The following PWWP3A variants were observed in gnomAD, a reference collection of about 807,000 sequenced individuals.
PWWP3A encodes PWWP domain-containing DNA repair factor 3A.
In PWWP3A, 53 loss-of-function variants were observed where a neutral mutation model predicts 79.0. The ratio of observed to expected loss-of-function variants is 0.67; its 90% CI spans 0.54 to 0.84. PWWP3A has a LOEUF of 0.84. PWWP3A is among the 40% of genes least tolerant of loss of function. The pLI, the probability that PWWP3A is intolerant of heterozygous loss-of-function variation, is 0.00. For missense variants in PWWP3A, 973 were observed against 948.0 expected (o/e 1.03, Z -0.35); for synonymous variants, 443 against 394.4 (o/e 1.12, Z -1.46).
At chr19:1,375,695 CAATT>C (rs1437171468) in intron 13 of PWWP3A, among the ~76,000 whole-genome samples, 3 of 83,150 alleles carry the variant, frequency 3.6e-5, no homozygotes, top group African/African-American at 9.3e-5. Flanking sequence ...ATATATAAAA[CAATT>C]TAATATATAA....
chr19:1,363,267 A>G (rs567807636), intron 6 of PWWP3A, among the ~76,000 whole-genome samples: 34 of 152,350 alleles, frequency 2.2e-4, no homozygotes, highest in African/African-American at 8.2e-4. Context: ...GCTTCATTAC[A>G]GTCTCACATT....
In PWWP3A at chr19:1,366,222, G is replaced by A. The variant is rs879129245; in HGVS notation, c.1285-83G>A. On this transcript the variant is annotated intron_variant, in intron 7 of 13. Coordinates refer to ENST00000591337, the MANE Select transcript of PWWP3A (RefSeq NM_001369789.1). ...GAGCTGGGGTCAGCGCCTGTTAGAT[G>A]TATCATGTGATGTCACAAAAAAATA... 7 of 1,376,622 alleles carry A rather than the reference G, an allele frequency of 5.1e-6. No individual in the cohort carries two copies. The South Asian group carries it at 5.9e-5, about 12-fold the overall frequency. 85.3% of individuals were successfully genotyped at this position (1,376,622 alleles called of 1,614,324 possible).
intron 4 of PWWP3A, chr19:1,358,857 C>G: frequency 2.2e-6 from 1 of 445,132 alleles, no homozygotes; most frequent in Non-Finnish European, 4.4e-6. Flanking sequence ...CTGGTCTCAG[C>G]CCAAGGTTTG....
At chr19:1,372,051 C>A (rs2668426) in intron 12 of PWWP3A, 114,806 of 151,866 alleles carry the variant, frequency 0.76, 43,813 homozygotes, top group Middle Eastern at 0.84. Context: ...TGATCCACCC[C>A]CCTCAGCCTC....
rs1172301577 is a variant in PWWP3A at position 1,376,812 on chromosome 19, GAT to G, written c.*238_*239del. 1 of 457,732 alleles carries G rather than the reference GAT, an allele frequency of 2.2e-6. No homozygotes were observed. The highest frequency in any genetic ancestry group is 4.0e-5 in the Admixed American group (1 of 25,114). The allele number at this position is 457,732 out of a possible 1,614,324, so 28.4% of individuals were successfully genotyped here. On this transcript the variant is annotated 3_prime_UTR_variant, in exon 14 of 14. Transcript: ENST00000591337. ...ATTTTATTTTTGGCATTTTTTACAA[GAT>G]ACCGTTCGGGAAAGGCTTTTGAAAG...
chr19:1,361,156 C>A, intron 5 of PWWP3A, 124 bp downstream of exon 5: 1 of 951,082 alleles, frequency 1.1e-6, no homozygotes, highest in Non-Finnish European at 1.4e-6. Context: ...CCAAAATAGA[C>A]TTAGAGCAGA....
chr19:1,367,933 T>C (rs746600368), intron 9 of PWWP3A, among the ~76,000 whole-genome samples: 6 of 151,896 alleles, frequency 4.0e-5, no homozygotes, highest in Admixed American at 3.3e-4. Context: ...TACTTTCTTT[T>C]GTTTTTTTTG....
intron 9 of PWWP3A, 62 bp downstream of exon 9, chr19:1,367,282 C>A: frequency 7.3e-7 from 1 of 1,372,180 alleles, no homozygotes; most frequent in Non-Finnish European, 1.0e-6. Context: ...TAAATATGTC[C>A]TCTGTGTGTA....
chr19:1,360,861 G>C lies in PWWP3A; in HGVS notation c.940G>C (p.Val314Leu), dbSNP rs570826667. Residue 314 changes from valine to leucine, a missense_variant, in exon 5 of 14, where the codon GTG (valine) becomes CTG (leucine). Physicochemically the swap from Val to Leu is conservative, Grantham distance 32 (BLOSUM62 1). Coordinates refer to ENST00000591337, the MANE Select transcript of PWWP3A (RefSeq NM_001369789.1). This position sits in a 1 kb window ranked among gnomAD's most constrained non-coding sequence, Gnocchi z 4.4. ...GGATGGCAGCCAAAGGCCGCCTGCC[G>C]TGCAGCTGGAGCCCATGGCAGCAGG... The part of the protein sequence containing the change: ...RLDGSQRPPA[V>L]QLEPMAAGAA... 1.9e-6 allele frequency: 3 copies of C among 1,547,016 alleles called. No homozygotes were observed. Among genetic ancestry groups the C allele is most frequent in the East Asian group, 4.8e-5 (2 of 41,260 alleles).
In PWWP3A at chr19:1,360,444, G is replaced by C; in HGVS notation, c.523G>C (p.Asp175His). Residue 175 changes from aspartate (D) to histidine (H), a missense_variant, in exon 5 of 14, where the codon GAC (aspartate) becomes CAC (histidine). Transcript: ENST00000591337. This position sits in a 1 kb window ranked among gnomAD's most constrained non-coding sequence, Gnocchi z 4.4. ...TGAAAAGGACCCCGAGTGCAAAGTG[G>C]ACCACAAGAAGGGGCTCAGGAAAAG... ...TCEKDPECKV[D>H]HKKGLRKSEN... 1 of 1,614,144 alleles carries C rather than the reference G, an allele frequency of 6.2e-7. No individual in the cohort carries two copies. The highest frequency in any genetic ancestry group is 1.1e-5 in the South Asian group (1 of 91,082).
intron 13 of PWWP3A, 176 bp downstream of exon 13, chr19:1,373,336 T>A: frequency 3.3e-6 from 2 of 612,016 alleles, no homozygotes; most frequent in South Asian, 3.9e-5. Context: ...GGGTCACTCC[T>A]GCCCCCCAGG....
chr19:1,373,232 G>A, intron 13 of PWWP3A, 72 bp downstream of exon 13: 1 of 1,378,726 alleles, frequency 7.3e-7, no homozygotes, highest in Non-Finnish European at 1.0e-6. Flanking sequence ...ACACCCACAG[G>A]CAGTTTGACT....
intron 9 of PWWP3A, among the ~76,000 whole-genome samples, chr19:1,367,450 T>A (rs1220235187): frequency 6.6e-6 from 1 of 152,216 alleles, no homozygotes; most frequent in Non-Finnish European, 1.5e-5. Flanking sequence ...TTCCCCGCTT[T>A]ACGGGTAAGG....
Position 1,357,067 on chromosome 19 carries a change from C to T in PWWP3A, c.116C>T (p.Ala39Val). 6.2e-7 allele frequency: 1 copy of T among 1,613,130 alleles called. No individual in the cohort carries two copies. The highest frequency in any genetic ancestry group is 8.5e-7 in the Non-Finnish European group (1 of 1,179,690). ...KNKRRKEYFL[A>V]VQILSLEEKI... ...AAGAGAAGAAAGGAATATTTTCTAG[C>T]TGTGCAAATCCTCTCTCTAGAGGAA... Residue 39 changes from alanine to valine, a missense_variant, in exon 3 of 14, where the codon GCT becomes GTT. Coordinates refer to ENST00000591337, the MANE Select transcript of PWWP3A (RefSeq NM_001369789.1).
chr19:1,367,016 G>A (rs991510642), intron 8 of PWWP3A, 144 bp from the exon 9 acceptor site: 24 of 641,604 alleles, frequency 3.7e-5, no homozygotes, highest in South Asian at 3.6e-4. Flanking sequence ...CTTGGCAGCT[G>A]GGGAAACGGT....
chr19:1,367,779 C>G (rs2082160809), intron 9 of PWWP3A, among the ~76,000 whole-genome samples: 4 of 152,230 alleles, frequency 2.6e-5, no homozygotes, highest in Admixed American at 1.3e-4. Context: ...TTGTCTAACT[C>G]AGAAATGTCT....
chr19:1,372,492 C>T (rs1313712023), intron 12 of PWWP3A: 1 of 151,976 alleles, frequency 6.6e-6, no homozygotes, highest in Non-Finnish European at 1.5e-5. Context: ...GGTGTGGTGG[C>T]TCGCATCGGT....
chr19:1,376,587 G>T lies in PWWP3A; in HGVS notation c.*11G>T, dbSNP rs375675008. 1 of 1,613,248 alleles carries T rather than the reference G, an allele frequency of 6.2e-7. No individual in the cohort carries two copies. The highest frequency in any genetic ancestry group is 1.7e-5 in the Admixed American group (1 of 59,970). ...CGGCGCCGTCGGTGAGGGAGCAGCC[G>T]GCTGTGCTGTCAGCGGGGCCTGGCG... On this transcript the variant is annotated 3_prime_UTR_variant, in exon 14 of 14. Transcript: ENST00000591337.
chr19:1,367,249 T>C, intron 9 of PWWP3A, 29 bp downstream of exon 9: 2 of 1,587,008 alleles, frequency 1.3e-6, no homozygotes, highest in Non-Finnish European at 1.7e-6. Flanking sequence ...GTGCTTGCTT[T>C]AAATGGTTTA....
Sources: allele counts gnomAD v4.1 joint callset (sites outside exome capture counted in the v4.1 genomes callset), GRCh38; gene constraint gnomAD v4.1.1; non-coding constraint Gnocchi (gnomAD v3.1); transcripts MANE v1.5; gene names NCBI Gene and HGNC (gene_info 2026-07-23, HGNC 2026-07-21).